The following PRUNE2 variants were observed in gnomAD, a reference collection of about 807,000 sequenced individuals.
PRUNE2 encodes prune homolog 2 with BCH domain.
In PRUNE2, 164 loss-of-function variants were observed where a neutral mutation model predicts 252.0. The ratio of observed to expected loss-of-function variants is 0.65; its 90% CI spans 0.57 to 0.74. PRUNE2 has a LOEUF of 0.74. PRUNE2 is among the 30% of genes least tolerant of loss of function. PRUNE2 has a pLI of 0.00. For missense variants in PRUNE2, 3,495 were observed against 3,711.0 expected, an observed-to-expected ratio of 0.94 and a Z score of 1.51; for synonymous variants, 1,292 against 1,350.2, an observed-to-expected ratio of 0.96 and a Z score of 0.94.
chr9:76,822,453 A>T (rs1483415965), intron 6 of PRUNE2, among the ~76,000 whole-genome samples: 1 of 152,238 alleles, frequency 6.6e-6, no homozygotes, highest in Non-Finnish European at 1.5e-5. Context: ...GTAGACACCA[A>T]TATGAGTGCC....
At chr9:76,813,581 A>T (rs898285132) in intron 6 of PRUNE2, among the ~76,000 whole-genome samples, 1 of 152,240 alleles carries the variant, frequency 6.6e-6, no homozygotes, top group Admixed American at 6.5e-5. Flanking sequence ...ATTGTTGACA[A>T]ACAAATGAAG....
intron 6 of PRUNE2, among the ~76,000 whole-genome samples, chr9:76,814,270 T>G (rs1248210774): frequency 6.6e-6 from 1 of 152,178 alleles, no homozygotes; most frequent in Non-Finnish European, 1.5e-5. Context: ...ATGCTGGTAG[T>G]GATATTCTGA....
chr9:76,692,381 G>A (rs2044861271), intron 9 of PRUNE2: 4 of 509,670 alleles, frequency 7.8e-6, no homozygotes, highest in Non-Finnish European at 1.4e-5. Flanking sequence ...GAAAACTGCT[G>A]CTACTCCTGC....
chr9:76,823,079 C>T (rs1249022677), intron 6 of PRUNE2, among the ~76,000 whole-genome samples: 2 of 152,130 alleles, frequency 1.3e-5, no homozygotes, highest in Non-Finnish European at 2.9e-5. Context: ...CAAAAGATAA[C>T]TCACCAAGGA....
In PRUNE2 at chr9:76,870,685, C is replaced by CAACA. The variant is rs2061144484; in HGVS notation, c.37-16478_37-16477insTGTT. The stretch of plus-strand genomic sequence containing the variant: ...TGGGTGACAGAGCGAGATTCTGTCT[C>CAACA]AAAAAAAAAAAAAAAAAATCCTCAA... On this transcript the variant is annotated intron_variant, in intron 1 of 18. Coordinates refer to ENST00000376718, the MANE Select transcript of PRUNE2 (RefSeq NM_015225.3). Among the ~76,000 whole-genome samples, 4 of 82,334 alleles carry CAACA rather than the reference C, an allele frequency of 4.9e-5. No individual in the cohort carries two copies. The South Asian group carries it at 1.7e-3, about 34-fold the overall frequency. 54.0% of individuals were successfully genotyped at this position (82,334 alleles called of 152,430 possible). A position where few individuals can be genotyped will look rare whatever the true frequency, so the allele number is the denominator to read the frequency against.
chr9:76,671,883 A>C (rs2041557776), intron 9 of PRUNE2, among the ~76,000 whole-genome samples: 1 of 152,170 alleles, frequency 6.6e-6, no homozygotes. Context: ...GGCCTGCCTT[A>C]CAAGAGCTCC....
chr9:76,676,377 T>A (rs1444896150), intron 9 of PRUNE2, among the ~76,000 whole-genome samples: 2 of 138,552 alleles, frequency 1.4e-5, no homozygotes, highest in African/African-American at 2.6e-5. Flanking sequence ...TAAAAAAAAA[T>A]CTAAATGTAT....
At chr9:76,847,288 T>C (rs1205139880) in intron 3 of PRUNE2, among the ~76,000 whole-genome samples, 1 of 149,508 alleles carries the variant, frequency 6.7e-6, no homozygotes, top group Non-Finnish European at 1.5e-5. Flanking sequence ...ACCGTGCCAC[T>C]GCACTCCAGC....
intron 6 of PRUNE2, among the ~76,000 whole-genome samples, chr9:76,716,695 T>A (rs1175306144): frequency 6.6e-6 from 1 of 152,200 alleles, no homozygotes; most frequent in Non-Finnish European, 1.5e-5. Flanking sequence ...ATTTTTAAAA[T>A]TTTGTTTTAA....
chr9:76,858,594 A>G lies in PRUNE2; in HGVS notation c.37-4386T>C, dbSNP rs1434343788. 7.9e-5 allele frequency among the ~76,000 whole-genome samples: 12 copies of G among 152,178 alleles called. No individual in the cohort carries two copies. In the South Asian group the frequency reaches 2.3e-3, roughly 29 times the overall value. The stretch of plus-strand genomic sequence containing the variant: ...AGACACAGGGAGGGCAACATCACAC[A>G]CTGGGGCCTGTCAAGGGGTCGAAAG... On this transcript the variant is annotated intron_variant, in intron 1 of 18. Transcript: ENST00000376718.
intron 12 of PRUNE2, among the ~76,000 whole-genome samples, chr9:76,639,985 G>A (rs1434111935): frequency 6.6e-6 from 1 of 152,200 alleles, no homozygotes; most frequent in Non-Finnish European, 1.5e-5. Context: ...GACCCCCACA[G>A]GTAACTATAT....
intron 6 of PRUNE2, among the ~76,000 whole-genome samples, chr9:76,798,873 T>C (rs2056325966): frequency 1.3e-5 from 2 of 152,098 alleles, no homozygotes; most frequent in African/African-American, 2.4e-5. Flanking sequence ...ATCCTGGAAA[T>C]AGTAAGATAC....
intron 1 of PRUNE2, among the ~76,000 whole-genome samples, chr9:76,883,063 T>C (rs1460812739): frequency 1.3e-5 from 2 of 152,242 alleles, no homozygotes; most frequent in Non-Finnish European, 2.9e-5. Flanking sequence ...AGCTTTTGTA[T>C]ACGTGACTCC....
rs370679936 is a variant in PRUNE2, at chr9:76,629,292, TAAAA to T, written c.9051-6_9051-3del. 43 of 1,160,752 alleles carry T rather than the reference TAAAA, an allele frequency of 3.7e-5. No homozygotes were observed. The highest frequency in any genetic ancestry group is 5.4e-5 in the East Asian group (2 of 37,294). 71.9% of individuals were successfully genotyped at this position (1,160,752 alleles called of 1,614,324 possible). The stretch of plus-strand genomic sequence containing the variant: ...TTAATTTTACTGCTGAATTTTGAAC[TAAAA>T]AAAAAAAAAAGAAAAAAATATGTAT... On this transcript the variant is annotated splice_region_variant and splice_polypyrimidine_tract_variant and intron_variant, in intron 15 of 18. Transcript: ENST00000376718.
intron 1 of PRUNE2, among the ~76,000 whole-genome samples, chr9:76,890,763 T>TAA (rs5898514): frequency 4.6e-5 from 7 of 150,850 alleles, no homozygotes; most frequent in African/African-American, 9.7e-5. Flanking sequence ...CAGACTTCTC[T>TAA]AAAAAAAAAA....
rs777562104 is a variant in PRUNE2 at position 76,655,457 on chromosome 9, G to A, written c.8322C>T (p.Gly2774=). ...TGTCTGCAGCACTGGGACTCAGCAC[G>A]CCCTCTTCAAAGGGGATGTCCATTC... ...DVGMDIPFEE[G]VLSPSAADMR... is the part of the protein sequence containing the mutation. The change falls in exon 10 of 19, where the codon GGC becomes GGT. Residue 2774 remains glycine (G), a synonymous_variant. Coordinates refer to ENST00000376718, the MANE Select transcript of PRUNE2 (RefSeq NM_015225.3). 108 of 1,612,604 alleles carry A rather than the reference G, an allele frequency of 6.7e-5. No homozygotes were observed. Among genetic ancestry groups the A allele is most frequent in the South Asian group, 1.3e-4 (12 of 90,670 alleles).
chr9:76,879,397 C>G (rs184933421), intron 1 of PRUNE2, among the ~76,000 whole-genome samples: 28 of 152,284 alleles, frequency 1.8e-4, no homozygotes, highest in Non-Finnish European at 5.9e-5. Flanking sequence ...CAACATTTGA[C>G]AAATGTTTAC....
chr9:76,817,354 T>TC (rs2057756625), intron 6 of PRUNE2, among the ~76,000 whole-genome samples: 1 of 152,200 alleles, frequency 6.6e-6, no homozygotes, highest in Admixed American at 6.5e-5. Context: ...GATTCCAATG[T>TC]CCTTACCTCT....
At chr9:76,793,825 TA>T (rs546513389) in intron 6 of PRUNE2, among the ~76,000 whole-genome samples, 388 of 152,338 alleles carry the variant, frequency 2.5e-3, no homozygotes, top group African/African-American at 9.0e-3. Flanking sequence ...ATTACAAATC[TA>T]GGTCTAGAAT....
Sources: allele counts gnomAD v4.1 joint callset (sites outside exome capture counted in the v4.1 genomes callset), GRCh38; gene constraint gnomAD v4.1.1; transcripts MANE v1.5; gene names NCBI Gene and HGNC (gene_info 2026-07-23, HGNC 2026-07-21).